Variants in VTI1A observed in about 807,000 individuals in gnomAD.
The protein encoded by VTI1A is vesicle transport through interaction with t-SNAREs homolog 1A.
A neutral mutation model predicts 34.9 loss-of-function variants in VTI1A; 22 were observed. The observed-to-expected ratio is 0.63, with a 90% CI of 0.45 to 0.90. The LOEUF (loss-of-function observed/expected upper bound fraction) is 0.90. Ranked by LOEUF, VTI1A falls within the 40% of genes least tolerant of loss-of-function variation. The pLI is 0.00. For missense variants in VTI1A, 268 were observed against 275.6 expected, an observed-to-expected ratio of 0.97 and a Z score of 0.20; for synonymous variants, 87 against 97.3, an observed-to-expected ratio of 0.89 and a Z score of 0.62.
intron 7 of VTI1A, among the ~76,000 whole-genome samples, chr10:112,809,316 G>A (rs995528140): frequency 3.9e-5 from 6 of 152,158 alleles, no homozygotes; most frequent in Non-Finnish European, 7.3e-5. Flanking sequence ...GAATAGTAAC[G>A]TTGAATTGGA....
intron 4 of VTI1A, among the ~76,000 whole-genome samples, chr10:112,531,063 T>C (rs75725194): frequency 7.1e-6 from 1 of 139,920 alleles, no homozygotes; most frequent in African/African-American, 2.7e-5. Flanking sequence ...GTGACACACC[T>C]CACACACACA....
At chr10:112,811,712 A>AGAT (rs1554965459) in intron 7 of VTI1A, among the ~76,000 whole-genome samples, 6,135 of 83,648 alleles carry the variant, frequency 0.073, 1,973 homozygotes, top group Non-Finnish European at 0.091. Context: ...AAAAAAAAAA[A>AGAT]GAGTGCAGTC....
chr10:112,666,198 A>T (rs768647424), intron 5 of VTI1A, among the ~76,000 whole-genome samples: 5 of 152,136 alleles, frequency 3.3e-5, no homozygotes, highest in Non-Finnish European at 7.4e-5. Context: ...CACATATCTT[A>T]CCCAATTTTA....
At chr10:112,625,682 A>G (rs1451890117) in intron 5 of VTI1A, among the ~76,000 whole-genome samples, 2 of 151,538 alleles carry the variant, frequency 1.3e-5, no homozygotes, top group East Asian at 1.9e-4. Context: ...CTTCTCACTC[A>G]TAAGTAGGAG....
At chr10:112,752,469 A>G in intron 7 of VTI1A, 1 of 985,398 alleles carries the variant, frequency 1.0e-6, no homozygotes, top group Non-Finnish European at 1.2e-6. Context: ...GATTTCACCC[A>G]CTGCATTTCT....
At chr10:112,610,034 C>T (rs1466181443) in intron 5 of VTI1A, among the ~76,000 whole-genome samples, 2 of 150,934 alleles carry the variant, frequency 1.3e-5, no homozygotes, top group Non-Finnish European at 2.9e-5. Flanking sequence ...ATGTGGTAAA[C>T]ACATAGGAAA....
intron 4 of VTI1A, among the ~76,000 whole-genome samples, chr10:112,536,783 C>T (rs1209380199): frequency 1.4e-5 from 2 of 140,546 alleles, no homozygotes; most frequent in East Asian, 2.4e-4. Context: ...TCAAGGAAAG[C>T]TTTGATGTGG....
At chr10:112,470,962 G>T (rs141369300) in intron 3 of VTI1A, among the ~76,000 whole-genome samples, 252 of 152,066 alleles carry the variant, frequency 1.7e-3, no homozygotes, top group African/African-American at 5.9e-3. Context: ...CCAAGATCTG[G>T]GTAAAGCCAA....
intron 3 of VTI1A, among the ~76,000 whole-genome samples, chr10:112,516,354 T>C (rs943896164): frequency 6.6e-6 from 1 of 152,132 alleles, no homozygotes; most frequent in Non-Finnish European, 1.5e-5. Context: ...TATTGACTTA[T>C]AAAGTTGGAG....
chr10:112,811,711 A>G (rs1853316678), intron 7 of VTI1A, among the ~76,000 whole-genome samples: 1 of 117,406 alleles, frequency 8.5e-6, no homozygotes, highest in African/African-American at 3.5e-5. Context: ...AAAAAAAAAA[A>G]AGAGTGCAGT....
intron 3 of VTI1A, among the ~76,000 whole-genome samples, chr10:112,521,598 G>A (rs1169320823): frequency 6.6e-6 from 1 of 151,928 alleles, no homozygotes; most frequent in Non-Finnish European, 1.5e-5. Flanking sequence ...AGAAACTGAT[G>A]CTCAGAAAAC....
chr10:112,659,272 G>A (rs1205581793), intron 5 of VTI1A, among the ~76,000 whole-genome samples: 1 of 152,136 alleles, frequency 6.6e-6, no homozygotes, highest in African/African-American at 2.4e-5. Flanking sequence ...CAGGTTTTCT[G>A]CTGCTTCATC....
intron 7 of VTI1A, among the ~76,000 whole-genome samples, chr10:112,805,246 C>T (rs1048296522): frequency 1.3e-5 from 2 of 152,058 alleles, no homozygotes; most frequent in South Asian, 2.1e-4. Context: ...GTTTTAGCCA[C>T]GGGCTAATAA....
chr10:112,654,535 G>T (rs893725437), intron 5 of VTI1A, among the ~76,000 whole-genome samples: 2 of 151,570 alleles, frequency 1.3e-5, no homozygotes, highest in African/African-American at 4.9e-5. Flanking sequence ...AACTGTCACC[G>T]AGGCTGGAGT....
At chr10:112,753,237 A>G (rs1421183684) in intron 7 of VTI1A, among the ~76,000 whole-genome samples, 2 of 151,768 alleles carry the variant, frequency 1.3e-5, no homozygotes, top group African/African-American at 4.8e-5. Flanking sequence ...TTATACACAT[A>G]AGAGAAACAG....
intron 5 of VTI1A, among the ~76,000 whole-genome samples, chr10:112,562,640 G>A (rs1851766451): frequency 6.6e-6 from 1 of 151,976 alleles, no homozygotes; most frequent in South Asian, 2.1e-4. Flanking sequence ...ATCGCATGTT[G>A]TGGGGAGTTC....
At chr10:112,738,208 G>A (rs1293959567) in intron 7 of VTI1A, among the ~76,000 whole-genome samples, 1 of 152,098 alleles carries the variant, frequency 6.6e-6, no homozygotes, top group Non-Finnish European at 1.5e-5. Context: ...CATCCCTGGC[G>A]AGCACCCCTA....
At chr10:112,738,579 G>A (rs1346833201) in intron 7 of VTI1A, among the ~76,000 whole-genome samples, 1 of 152,166 alleles carries the variant, frequency 6.6e-6, no homozygotes, top group East Asian at 1.9e-4. Context: ...TGGGTGGAGA[G>A]AAATCAAGAC....
intron 3 of VTI1A, among the ~76,000 whole-genome samples, chr10:112,466,735 G>A (rs374566425): frequency 3.4e-4 from 52 of 152,220 alleles, no homozygotes; most frequent in African/African-American, 9.1e-4. Context: ...ATGGGTTCTA[G>A]AAAAACAAAG....
Sources: allele counts gnomAD v4.1 joint callset (sites outside exome capture counted in the v4.1 genomes callset), GRCh38; gene constraint gnomAD v4.1.1; transcripts MANE v1.5; gene names NCBI Gene and HGNC (gene_info 2026-07-23, HGNC 2026-07-21).